The following CNTN6 variants were observed in gnomAD, a reference collection of about 807,000 sequenced individuals.
CNTN6 encodes the protein contactin 6, also known as contactin-6.
CNTN6 carries 137 observed loss-of-function variants against 122.8 expected under a neutral mutation model. The observed-to-expected ratio is 1.12, with a 90% CI of 0.97 to 1.29. The LOEUF is 1.29. Among genes scored for constraint, CNTN6 ranks in the 50% most tolerant of loss-of-function variants. CNTN6 has a pLI of 0.00. For missense variants in CNTN6, 1,634 were observed against 1,223.4 expected (o/e 1.34, Z -5.01); for synonymous variants, 570 against 426.0 (o/e 1.34, Z -4.16).
chr3:1,268,808 G>GA (rs202124501), intron 4 of CNTN6, among the ~76,000 whole-genome samples: 6,516 of 148,728 alleles, frequency 0.044, 196 homozygotes, highest in Admixed American at 0.067. Context: ...GATGAAAGCT[G>GA]AAAAAAAAGC....
chr3:1,099,555 AATTT>A (rs1353438763), intron 1 of CNTN6, among the ~76,000 whole-genome samples: 3 of 152,324 alleles, frequency 2.0e-5, no homozygotes, highest in African/African-American at 7.2e-5. Context: ...AGGGATATTT[AATTT>A]ATTGAAAATA....
At chr3:1,203,751 AT>A (rs141707123) in intron 2 of CNTN6, among the ~76,000 whole-genome samples, 9,988 of 152,110 alleles carry the variant, frequency 0.066, 410 homozygotes, top group Middle Eastern at 0.11. Context: ...GCCATTCCAG[AT>A]TTTTTTTAGA....
rs372084233 is a variant in CNTN6, at chr3:1,148,082, A to G, written c.55+19A>G. 54 of 1,579,728 alleles carry G rather than the reference A, an allele frequency of 3.4e-5. No individual in the cohort carries two copies. The highest frequency in any genetic ancestry group is 3.4e-4 in the Middle Eastern group (2 of 5,934). The stretch of plus-strand genomic sequence containing the variant: ...TCTGCAGGTAAAGTGTTCTATTATT[A>G]TAAGTTTTGATTGATAAATATATTG... On this transcript the variant is annotated intron_variant, in intron 2 of 22. Coordinates refer to ENST00000446702, the MANE Select transcript of CNTN6 (RefSeq NM_001289080.2).
chr3:1,375,338 G>A (rs1709705498), intron 16 of CNTN6, among the ~76,000 whole-genome samples: 1 of 152,134 alleles, frequency 6.6e-6, no homozygotes, highest in African/African-American at 2.4e-5. Context: ...GTAGCAGAAT[G>A]AGACTGGTGA....
intron 19 of CNTN6, 123 bp from the exon 20 acceptor site, chr3:1,385,488 T>C (rs1692735861): frequency 1.6e-6 from 1 of 643,140 alleles, no homozygotes; most frequent in African/African-American, 1.9e-5. Context: ...GAAAACGTTT[T>C]TGTCATCTAT....
At chr3:1,183,552 ATTAC>A (rs1019733777) in intron 2 of CNTN6, among the ~76,000 whole-genome samples, 2 of 151,904 alleles carry the variant, frequency 1.3e-5, no homozygotes, top group African/African-American at 2.4e-5. Flanking sequence ...AATCCTTGGC[ATTAC>A]TTATTTTCTG....
rs1177916836 is a variant in CNTN6, at chr3:1,367,194, T to C, written c.1493-5105T>C. 2.6e-5 allele frequency among the ~76,000 whole-genome samples: 4 copies of C among 152,254 alleles called. 1 individual carries two copies. Among genetic ancestry groups the C allele is most frequent in the African/African-American group, 9.6e-5 (4 of 41,560 alleles). ...GAATTAAAATCCTCATTGGGTAATTTTGAAATATGTATTACATTAACTGTA... is the reference window on the plus strand; with the variant it reads ...GAATTAAAATCCTCATTGGGTAATTCTGAAATATGTATTACATTAACTGTA... On this transcript the variant is annotated intron_variant, in intron 12 of 22. Transcript: ENST00000446702.
At chr3:1,268,847 G>A (rs66476654) in intron 4 of CNTN6, among the ~76,000 whole-genome samples, 36,600 of 151,666 alleles carry the variant, frequency 0.24, 4,797 homozygotes, top group East Asian at 0.51. Flanking sequence ...TGGGATTGGT[G>A]GCACACACCT....
At chr3:1,290,510 G>A (rs1695148187) in intron 5 of CNTN6, among the ~76,000 whole-genome samples, 1 of 152,144 alleles carries the variant, frequency 6.6e-6, no homozygotes, top group Admixed American at 6.5e-5. Flanking sequence ...AAAGTAGAAA[G>A]CTATTGTTAT....
intron 4 of CNTN6, among the ~76,000 whole-genome samples, chr3:1,242,128 A>C (rs1332808889): frequency 6.6e-6 from 1 of 152,160 alleles, no homozygotes; most frequent in Non-Finnish European, 1.5e-5. Context: ...ACAGATGAGG[A>C]AGAAATTTGG....
chr3:1,159,472 G>C (rs2093071009), intron 2 of CNTN6, among the ~76,000 whole-genome samples: 1 of 151,990 alleles, frequency 6.6e-6, no homozygotes, highest in African/African-American at 2.4e-5. Context: ...AAAATTTAGC[G>C]TTTAATATTT....
At chr3:1,232,851 C>A (rs1371249779) in intron 4 of CNTN6, among the ~76,000 whole-genome samples, 1 of 152,132 alleles carries the variant, frequency 6.6e-6, no homozygotes, top group Non-Finnish European at 1.5e-5. Flanking sequence ...TTGCATTGAA[C>A]CTTGACATGT....
chr3:1,129,371 G>C (rs748280617), intron 1 of CNTN6, among the ~76,000 whole-genome samples: 6 of 152,002 alleles, frequency 3.9e-5, no homozygotes, highest in African/African-American at 4.8e-5. Context: ...GGCGACTTGA[G>C]AAATTTGATC....
At chr3:1,276,144 C>T (rs1043053381) in intron 4 of CNTN6, among the ~76,000 whole-genome samples, 1 of 152,138 alleles carries the variant, frequency 6.6e-6, no homozygotes, top group Non-Finnish European at 1.5e-5. Context: ...GATGGGTAAT[C>T]TCTACTTTCA....
At chr3:1,305,861 A>G (rs1224323517) in intron 7 of CNTN6, among the ~76,000 whole-genome samples, 1 of 152,142 alleles carries the variant, frequency 6.6e-6, no homozygotes, top group African/African-American at 2.4e-5. Flanking sequence ...ATTAATGTCA[A>G]GCAACAAATC....
At chr3:1,360,195 C>T (rs926436240) in intron 12 of CNTN6, among the ~76,000 whole-genome samples, 1 of 151,982 alleles carries the variant, frequency 6.6e-6, no homozygotes, top group Non-Finnish European at 1.5e-5. Context: ...GCCATTATTT[C>T]TCAGAAATTT....
chr3:1,186,497 G>A (rs991074528), intron 2 of CNTN6, among the ~76,000 whole-genome samples: 4 of 152,048 alleles, frequency 2.6e-5, no homozygotes, highest in South Asian at 2.1e-4. Flanking sequence ...AGATTGACTG[G>A]CAAAGTCAAA....
intron 2 of CNTN6, among the ~76,000 whole-genome samples, chr3:1,158,969 C>CACCTATATATATATATATATAT (rs1553610778): frequency 8.9e-6 from 1 of 112,968 alleles, no homozygotes; most frequent in Admixed American, 8.7e-5. Context: ...CACACACACA[C>CACCTATATATATATATATATAT]ATATATATAT....
At chr3:1,238,262 G>A (rs928779169) in intron 4 of CNTN6, among the ~76,000 whole-genome samples, 13 of 152,134 alleles carry the variant, frequency 8.5e-5, no homozygotes, top group African/African-American at 3.1e-4. Flanking sequence ...CCGTGCAAAT[G>A]GACACCAAAA....
Sources: allele counts gnomAD v4.1 joint callset (sites outside exome capture counted in the v4.1 genomes callset), GRCh38; gene constraint gnomAD v4.1.1; transcripts MANE v1.5; gene names NCBI Gene and HGNC (gene_info 2026-07-23, HGNC 2026-07-21).